The following MARCHF1 variants were observed in gnomAD, a reference collection of about 807,000 sequenced individuals.
MARCHF1 encodes membrane associated ring-CH-type finger 1.
A neutral mutation model predicts 54.2 loss-of-function variants in MARCHF1; 40 were observed. The observed-to-expected ratio is 0.74, with a 90% confidence interval of 0.57 to 0.96. The LOEUF is 0.96. Ranked by LOEUF, MARCHF1 falls within the 40% of genes least tolerant of loss-of-function variation. The pLI is 0.00. For synonymous variants in MARCHF1, 236 were observed against 236.3 expected, an observed-to-expected ratio of 1.00 and a Z score of 0.01; for missense variants, 586 against 656.5, an observed-to-expected ratio of 0.89 and a Z score of 1.17.
At chr4:164,274,659 C>CT (rs70952617) in intron 1 of MARCHF1, among the ~76,000 whole-genome samples, 2,706 of 44,554 alleles carry the variant, frequency 0.061, 840 homozygotes, top group Non-Finnish European at 0.1. Flanking sequence ...TCAGGGTACA[C>CT]TTTTTTTTTT....
intron 1 of MARCHF1, among the ~76,000 whole-genome samples, chr4:164,195,190 T>C (rs1242526283): frequency 1.3e-5 from 2 of 152,182 alleles, no homozygotes; most frequent in African/African-American, 4.8e-5. Context: ...ATTTATTCTT[T>C]ACTAAATCTT....
chr4:163,536,714 A>T (rs1169089357), intron 9 of MARCHF1, among the ~76,000 whole-genome samples: 1 of 152,150 alleles, frequency 6.6e-6, no homozygotes, highest in Non-Finnish European at 1.5e-5. Flanking sequence ...CTCTCTTTCC[A>T]GAAACAGTGA....
intron 2 of MARCHF1, among the ~76,000 whole-genome samples, chr4:164,098,574 TA>T (rs1265413671): frequency 6.6e-6 from 1 of 152,194 alleles, no homozygotes; most frequent in Non-Finnish European, 1.5e-5. Flanking sequence ...ATTGGTATTT[TA>T]AAAACTCTGT....
In MARCHF1 at chr4:163,910,779, G is replaced by A. The variant is rs999151406; in HGVS notation, c.-38-56610C>T. ...CCCAAAGTGTTGGGATTACGGGCGT[G>A]AGCCACCACGCCCAGCCCAAATAGT... On this transcript the variant is annotated intron_variant, in intron 3 of 9. Transcript: ENST00000514618. Among the ~76,000 whole-genome samples, 3 of 152,194 alleles carry A rather than the reference G, an allele frequency of 2.0e-5. No individual in the cohort carries two copies. The East Asian group carries it at 5.8e-4, about 29-fold the overall frequency.
chr4:163,779,654 T>C (rs1050663757), intron 4 of MARCHF1, among the ~76,000 whole-genome samples: 1 of 152,170 alleles, frequency 6.6e-6, no homozygotes, highest in Admixed American at 6.5e-5. Flanking sequence ...ATGGGCTTCA[T>C]AGAACTTAGG....
intron 7 of MARCHF1, among the ~76,000 whole-genome samples, chr4:163,597,108 A>G (rs980219283): frequency 6.6e-6 from 1 of 152,090 alleles, no homozygotes; most frequent in African/African-American, 2.4e-5. Flanking sequence ...GGCATGTACT[A>G]CCACGCCCGA....
At chr4:164,022,110 T>C (rs1376041562) in intron 2 of MARCHF1, among the ~76,000 whole-genome samples, 4 of 152,178 alleles carry the variant, frequency 2.6e-5, no homozygotes, top group Non-Finnish European at 1.5e-5. Context: ...CAATATATTG[T>C]CATTATTTTT....
chr4:163,738,537 G>A (rs1156491589), intron 4 of MARCHF1, among the ~76,000 whole-genome samples: 1 of 152,142 alleles, frequency 6.6e-6, no homozygotes, highest in East Asian at 1.9e-4. Context: ...TGTATTATCA[G>A]CCACCTGGTA....
intron 1 of MARCHF1, among the ~76,000 whole-genome samples, chr4:164,236,468 G>T (rs1021906620): frequency 6.6e-6 from 1 of 151,980 alleles, no homozygotes; most frequent in African/African-American, 2.4e-5. Flanking sequence ...GCACTACGAT[G>T]GGGCCATTTT....
At chr4:164,181,905 A>C (rs1022845949) in intron 1 of MARCHF1, among the ~76,000 whole-genome samples, 1 of 152,146 alleles carries the variant, frequency 6.6e-6, no homozygotes, top group African/African-American at 2.4e-5. Flanking sequence ...TCACATTATA[A>C]ATTCTCTGAA....
At chr4:164,136,719 T>G (rs1347554850) in intron 1 of MARCHF1, among the ~76,000 whole-genome samples, 2 of 152,284 alleles carry the variant, frequency 1.3e-5, no homozygotes, top group South Asian at 2.1e-4. Flanking sequence ...CCCCCAAGGC[T>G]GGCTTCCCAT....
At chr4:163,818,111 TA>T (rs976978089) in intron 4 of MARCHF1, among the ~76,000 whole-genome samples, 3 of 151,644 alleles carry the variant, frequency 2.0e-5, no homozygotes, top group East Asian at 1.9e-4. Flanking sequence ...TAAAGTATAA[TA>T]AAAAAAAGAA....
chr4:163,579,795 G>C (rs981212867), intron 8 of MARCHF1, among the ~76,000 whole-genome samples: 2 of 152,206 alleles, frequency 1.3e-5, no homozygotes, highest in Middle Eastern at 3.4e-3. Context: ...ATACATTTGT[G>C]AATAAATGGA....
chr4:164,216,603 C>T (rs1459129695), intron 1 of MARCHF1, among the ~76,000 whole-genome samples: 8 of 152,126 alleles, frequency 5.3e-5, no homozygotes, highest in Non-Finnish European at 1.2e-4. Flanking sequence ...AAAGCAAAGT[C>T]ATTTCTTGGA....
intron 2 of MARCHF1, among the ~76,000 whole-genome samples, chr4:164,040,179 T>C (rs1282153874): frequency 1.4e-5 from 2 of 144,642 alleles, no homozygotes; most frequent in Non-Finnish European, 3.0e-5. Flanking sequence ...TATATAAATA[T>C]ACAAATATAT....
chr4:163,613,443 G>A, intron 5 of MARCHF1, 50 bp from the exon 6 acceptor site: 1 of 1,612,744 alleles, frequency 6.2e-7, no homozygotes. Flanking sequence ...GTAATACATG[G>A]TTGATATCTT....
intron 5 of MARCHF1, among the ~76,000 whole-genome samples, chr4:163,644,314 G>T (rs13327933): frequency 0.1 from 15,490 of 152,072 alleles, 1,311 homozygotes; most frequent in African/African-American, 0.22. Flanking sequence ...CCCCAGTGGA[G>T]CCCAAGACCT....
intron 1 of MARCHF1, among the ~76,000 whole-genome samples, chr4:164,300,968 G>A (rs1734541863): frequency 6.6e-6 from 1 of 152,144 alleles, no homozygotes; most frequent in African/African-American, 2.4e-5. Flanking sequence ...GTAGATGGGG[G>A]AAGAGACGAA....
intron 2 of MARCHF1, among the ~76,000 whole-genome samples, chr4:164,080,688 G>T (rs1257076696): frequency 6.6e-6 from 1 of 151,502 alleles, no homozygotes; most frequent in Non-Finnish European, 1.5e-5. Context: ...ATATATATGT[G>T]TGTGTATATA....
Sources: gnomAD v4.1 joint callset for allele counts (sites outside exome capture counted in the v4.1 genomes callset) on GRCh38, gnomAD v4.1.1 for gene constraint, MANE v1.5 for transcripts, NCBI Gene and HGNC (gene_info 2026-07-23, HGNC 2026-07-21) for gene names.